Variants in ARHGEF17 observed in about 807,000 individuals in gnomAD.
The protein encoded by ARHGEF17 is Rho guanine nucleotide exchange factor 17, also known as 164 kDa Rho-specific guanine-nucleotide exchange factor.
In ARHGEF17, 80 loss-of-function variants were observed where a neutral mutation model predicts 174.0. The observed-to-expected ratio is 0.46, with a 90% CI of 0.38 to 0.55. ARHGEF17 has a LOEUF of 0.55. Ranked by LOEUF, ARHGEF17 falls within the 20% of genes least tolerant of loss-of-function variation. The pLI is 0.00. For synonymous variants in ARHGEF17, 1,311 were observed against 1,189.1 expected (o/e 1.10, Z -2.11); for missense variants, 2,886 against 2,839.7 (o/e 1.02, Z -0.37).
Position 73,310,145 on chromosome 11 carries a change from G to C in ARHGEF17, c.1507G>C (p.Asp503His). 6.2e-7 allele frequency: 1 copy of C among 1,614,044 alleles called. No homozygotes were observed. Among genetic ancestry groups the C allele is most frequent in the South Asian group, 1.1e-5 (1 of 91,088 alleles). ...SSGDRGSNPL[D>H]GRDSPSAGGP... ...CGGGGACCGTGGAAGCAACCCCCTA[G>C]ATGGCAGAGACTCACCATCCGCAGG... The change falls in exon 1 of 21, where the codon GAT becomes CAT. Residue 503 changes from aspartate (D) to histidine (H), a missense_variant. Coordinates refer to ENST00000263674, the MANE Select transcript of ARHGEF17 (RefSeq NM_014786.4).
chr11:73,311,088 G>C lies in ARHGEF17; in HGVS notation c.2450G>C (p.Arg817Thr). The change falls in exon 1 of 21, where the codon AGG becomes ACG. Residue 817 changes from arginine to threonine, a missense_variant. By Grantham distance (71) the Arg-to-Thr change is moderately conservative (BLOSUM62 -1). Coordinates refer to ENST00000263674, the MANE Select transcript of ARHGEF17 (RefSeq NM_014786.4). ...PGTLGRVVDDRIAGKAPKKKS... is the reference protein window; with the variant it reads ...PGTLGRVVDDTIAGKAPKKKS... ...ACCCTGGGGCGTGTGGTGGACGACA[G>C]GATTGCTGGCAAAGCCCCCAAGAAG... The C allele has an allele frequency of 6.2e-7, 1 of 1,609,088 alleles. No individual in the cohort carries two copies. Among genetic ancestry groups the C allele is most frequent in the Non-Finnish European group, 8.5e-7 (1 of 1,175,958 alleles).
rs772961945 is a variant in ARHGEF17, at chr11:73,310,744, A to C, written c.2106A>C (p.Thr702=). The C allele has an allele frequency of 1.9e-6, 3 of 1,611,374 alleles. No homozygotes were observed. In the Admixed American group the frequency reaches 5.0e-5, roughly 27 times the overall value. ...WALVSPETPP[T]PGALRRRRKV... ...TGGTGTCGCCTGAGACCCCTCCCACACCAGGTGCCCTCCGCCGACGACGCA... is the reference window on the plus strand; with the variant it reads ...TGGTGTCGCCTGAGACCCCTCCCACCCCAGGTGCCCTCCGCCGACGACGCA... The change falls in exon 1 of 21, where the codon ACA becomes ACC. Residue 702 remains threonine (T), a synonymous_variant. Transcript: ENST00000263674.
At position 73,365,406 on chromosome 11, in the gene ARHGEF17, G is replaced by A; in HGVS notation, c.5567G>A (p.Gly1856Asp). The change falls in exon 19 of 21, where the codon GGT (glycine) becomes GAT (aspartate). Residue 1856 changes from glycine to aspartate, a missense_variant. Coordinates refer to ENST00000263674, the MANE Select transcript of ARHGEF17 (RefSeq NM_014786.4). The surrounding 1 kb of genome is among the most constrained non-coding windows in gnomAD (Gnocchi z 4.9). ...CTTCCCCAGCACATGTTTTACGTGGGTCAGGATTCAAGCCGCTGCGTGGCT... is the reference window on the plus strand; with the variant it reads ...CTTCCCCAGCACATGTTTTACGTGGATCAGGATTCAAGCCGCTGCGTGGCT... ...TLQLEHMFYV[G>D]QDSSRCVACM... is the part of the protein sequence containing the mutation. 1.9e-6 allele frequency: 3 copies of A among 1,613,988 alleles called. No individual in the cohort carries two copies. Among genetic ancestry groups the A allele is most frequent in the Non-Finnish European group, 8.5e-7 (1 of 1,180,036 alleles).
At chr11:73,346,738 C>G in intron 1 of ARHGEF17, 145 bp from the exon 2 acceptor site, 1 of 564,250 alleles carries the variant, frequency 1.8e-6, no homozygotes, top group South Asian at 3.6e-5. Context: ...CTCGGGGGAA[C>G]AGCCCGGAGC....
At chr11:73,340,182 C>T (rs1369478229) in intron 1 of ARHGEF17, among the ~76,000 whole-genome samples, 1 of 152,178 alleles carries the variant, frequency 6.6e-6, no homozygotes, top group Non-Finnish European at 1.5e-5. Flanking sequence ...GCTCCTGTTC[C>T]TTCTCTTTGC....
rs1168101779 is a variant in ARHGEF17, at chr11:73,310,634, G to A, written c.1996G>A (p.Gly666Arg). ...AGCATTTTGCGGCCTGGGTACCACA[G>A]GGATGTGGCGACCTCTTTCCTCATC... ...VAAFCGLGTT[G>R]MWRPLSSSSA... The change falls in exon 1 of 21, where the codon GGG becomes AGG. Residue 666 changes from glycine to arginine, a missense_variant. This residue lies in a region of ARHGEF17 where 1,728 missense variants were observed against 1,461.2 expected (regional missense o/e 1.18). Transcript: ENST00000263674. The A allele has an allele frequency of 6.2e-7, 1 of 1,614,136 alleles. No individual in the cohort carries two copies. The highest frequency in any genetic ancestry group is 1.7e-5 in the Admixed American group (1 of 60,022).
In ARHGEF17 at chr11:73,364,166, A is replaced by T. The variant is rs114159525; in HGVS notation, c.5334-6A>T. On this transcript the variant is annotated splice_region_variant and splice_polypyrimidine_tract_variant and intron_variant, in intron 16 of 20. Transcript: ENST00000263674. ...TCCCTTACTGCTTCCTCTTTTCCCT[A>T]CCCAGGTATCTGAATAACCAGGTGT... The T allele has an allele frequency of 2.5e-6, 4 of 1,613,768 alleles. No homozygotes were observed. In the African/African-American group the frequency reaches 4.0e-5, roughly 16 times the overall value.
chr11:73,366,318 G>T (rs1865838477), intron 20 of ARHGEF17, among the ~76,000 whole-genome samples: 1 of 152,198 alleles, frequency 6.6e-6, no homozygotes, highest in Admixed American at 6.5e-5. Flanking sequence ...GACTAGAAAT[G>T]ATATATAGGG....
At chr11:73,354,619 C>T (rs937943272) in intron 3 of ARHGEF17, among the ~76,000 whole-genome samples, 7 of 151,464 alleles carry the variant, frequency 4.6e-5, no homozygotes, top group African/African-American at 1.2e-4. Flanking sequence ...GAGGCTGAGG[C>T]GGGAGAATCG....
chr11:73,350,768 G>A (rs1565203441), intron 2 of ARHGEF17, among the ~76,000 whole-genome samples: 1 of 151,914 alleles, frequency 6.6e-6, no homozygotes, highest in Non-Finnish European at 1.5e-5. Flanking sequence ...CCACCCTGAC[G>A]AGTCCCCCTC....
chr11:73,328,282 A>G (rs969683586), intron 1 of ARHGEF17, among the ~76,000 whole-genome samples: 4 of 152,178 alleles, frequency 2.6e-5, no homozygotes, highest in Admixed American at 1.3e-4. Flanking sequence ...GCTATGCAGG[A>G]GGGATGGGAC....
chr11:73,325,117 A>G (rs1865079873), intron 1 of ARHGEF17, among the ~76,000 whole-genome samples: 1 of 152,028 alleles, frequency 6.6e-6, no homozygotes, highest in African/African-American at 2.4e-5. Context: ...TGGAAAGCAG[A>G]TCTCTTGGGC....
rs771901239 is a variant in ARHGEF17 at position 73,311,129 on chromosome 11, C to T, written c.2491C>T (p.Pro831Ser). Reference sequence around the variant, plus strand: ...CCCCAAGAAGAAATCCCTGAGTGACCCCAGCCGCCGTGGGGAGCTGGCTGG... The same window carrying T: ...CCCCAAGAAGAAATCCCTGAGTGACTCCAGCCGCCGTGGGGAGCTGGCTGG... ...KAPKKKSLSD[P>S]SRRGELAGPG... The change falls in exon 1 of 21, where the codon CCC becomes TCC. Residue 831 changes from proline to serine, a missense_variant. Transcript: ENST00000263674. 1.2e-6 allele frequency: 2 copies of T among 1,600,768 alleles called. No homozygotes were observed. Among genetic ancestry groups the T allele is most frequent in the South Asian group, 2.2e-5 (2 of 90,096 alleles).
chr11:73,362,932 C>A (rs1291011147), intron 14 of ARHGEF17, among the ~76,000 whole-genome samples, 198 bp downstream of exon 14: 1 of 152,178 alleles, frequency 6.6e-6, no homozygotes, highest in African/African-American at 2.4e-5. Flanking sequence ...TCATGAAGAC[C>A]CTGGAGCACT....
Position 73,308,709 on chromosome 11 carries a change from G to A in ARHGEF17, c.71G>A (p.Gly24Asp). Residue 24 changes from glycine to aspartate, a missense_variant, in exon 1 of 21, where the codon GGC (glycine) becomes GAC (aspartate). Transcript: ENST00000263674. ...VSFKLLERWSGGPGLREEDTD... is the reference protein window; with the variant it reads ...VSFKLLERWSDGPGLREEDTD... ...TTCAAGCTGCTGGAGCGCTGGAGCG[G>A]CGGCCCCGGGCTGAGGGAGGAGGAC... is the stretch of plus-strand genomic sequence containing the variant. 1 of 1,514,638 alleles carries A rather than the reference G, an allele frequency of 6.6e-7. No homozygotes were observed. Among genetic ancestry groups the A allele is most frequent in the Non-Finnish European group, 8.8e-7 (1 of 1,135,636 alleles). 93.8% of individuals were successfully genotyped at this position (1,514,638 alleles called of 1,614,324 possible).
At position 73,309,617 on chromosome 11, in the gene ARHGEF17, C is replaced by A. The variant is rs1207701550; in HGVS notation, c.979C>A (p.Pro327Thr). Residue 327 changes from proline to threonine, a missense_variant, in exon 1 of 21, where the codon CCT becomes ACT. Transcript: ENST00000263674. ...GAACTCAGCAGGGGTTTCTGGGAGC[C>A]CTGAGCCCCCAACATCTCCAAGAGC... ...SMNSAGVSGS[P>T]EPPTSPRAPR... is the part of the protein sequence containing the mutation. 2 of 1,612,950 alleles carry A rather than the reference C, an allele frequency of 1.2e-6. No individual in the cohort carries two copies. The highest frequency in any genetic ancestry group is 1.7e-6 in the Non-Finnish European group (2 of 1,180,032).
At position 73,357,033 on chromosome 11, in the gene ARHGEF17, C is replaced by T. The variant is rs373560459; in HGVS notation, c.3900C>T (p.Ile1300=). Residue 1300 remains isoleucine (I), a synonymous_variant, in exon 8 of 21, where the codon ATC becomes ATT. Transcript: ENST00000263674. The part of the protein sequence containing the change: ...RQEMVIEVKA[I]GGKKDRSLFL... Reference sequence around the variant, plus strand: ...TGCCTTGGGCTCCACAGAAGGCGATCGGTGGCAAGAAGGACCGGTCTCTCT... The same window carrying T: ...TGCCTTGGGCTCCACAGAAGGCGATTGGTGGCAAGAAGGACCGGTCTCTCT... The T allele has an allele frequency of 9.3e-6, 15 of 1,614,006 alleles. No homozygotes were observed. Among genetic ancestry groups the T allele is most frequent in the Non-Finnish European group, 1.3e-5 (15 of 1,180,024 alleles).
At position 73,363,898 on chromosome 11, in the gene ARHGEF17, G is replaced by A. The variant is rs1218297293; in HGVS notation, c.5333+65G>A. On this transcript the variant is annotated intron_variant, in intron 16 of 20. Transcript: ENST00000263674. Reference sequence around the variant, plus strand: ...CAGCCACACGTGCAGGCCTCCTTCTGTTCATCTGGTCCCCCTGCTCTACTG... The same window carrying A: ...CAGCCACACGTGCAGGCCTCCTTCTATTCATCTGGTCCCCCTGCTCTACTG... 2.0e-6 allele frequency: 3 copies of A among 1,504,624 alleles called. No homozygotes were observed. In the Admixed American group the frequency reaches 5.2e-5, roughly 26 times the overall value. The allele number at this position is 1,504,624 out of a possible 1,614,324, so 93.2% of individuals were successfully genotyped here. A position where few individuals can be genotyped will look rare whatever the true frequency, so the allele number is the denominator to read the frequency against.
Position 73,367,655 on chromosome 11 carries a change from A to C in ARHGEF17, c.6067A>C (p.Lys2023Gln). 6.2e-7 allele frequency: 1 copy of C among 1,614,076 alleles called. No individual in the cohort carries two copies. The highest frequency in any genetic ancestry group is 1.6e-4 in the Middle Eastern group (1 of 6,062). ...WHRGPAPARP[K>Q]MLVISGGDGY... Reference sequence around the variant, plus strand: ...CCGAGGCCCCGCCCCTGCCAGGCCTAAAATGCTGGTTATCAGTGGAGGTGA... The same window carrying C: ...CCGAGGCCCCGCCCCTGCCAGGCCTCAAATGCTGGTTATCAGTGGAGGTGA... The change falls in exon 21 of 21, where the codon AAA becomes CAA. Residue 2023 changes from lysine to glutamine, a missense_variant. Around this residue, in one of 4 missense-constraint regions of ARHGEF17, gnomAD observed 329 missense variants for 435.2 expected, o/e 0.76. Transcript: ENST00000263674.
Sources: gnomAD v4.1 joint callset for allele counts (sites outside exome capture counted in the v4.1 genomes callset) on GRCh38, gnomAD v4.1.1 for gene constraint, gnomAD v4.1.1 regional missense constraint, Gnocchi (gnomAD v3.1) non-coding constraint, MANE v1.5 for transcripts, NCBI Gene and HGNC (gene_info 2026-07-23, HGNC 2026-07-21) for gene names.